The following STPG2 variants were observed in gnomAD, a reference collection of about 807,000 sequenced individuals.
The protein encoded by STPG2 is sperm tail PG-rich repeat containing 2.
In STPG2, 56 loss-of-function variants were observed where a neutral mutation model predicts 54.2. The ratio of observed to expected loss-of-function variants is 1.03; its 90% CI spans 0.83 to 1.29. The LOEUF is 1.29. STPG2 is among the 50% of genes most tolerant of loss of function. The pLI is 0.00. For synonymous variants in STPG2, 200 were observed against 181.8 expected, an observed-to-expected ratio of 1.10 and a Z score of -0.81; for missense variants, 596 against 544.9, an observed-to-expected ratio of 1.09 and a Z score of -0.93.
At chr4:97,744,657 C>T (rs908222450) in intron 9 of STPG2, among the ~76,000 whole-genome samples, 4 of 150,806 alleles carry the variant, frequency 2.7e-5, no homozygotes, top group Admixed American at 6.6e-5. Context: ...TACATAGCTG[C>T]GATAATGTTT....
rs1444617828 is a variant in STPG2 at position 97,503,945 on chromosome 4, A to T, written c.462+208754T>A. Among the ~76,000 whole-genome samples, 4 of 122,880 alleles carry T rather than the reference A, an allele frequency of 3.3e-5. No homozygotes were observed. In the East Asian group the frequency reaches 9.4e-4, roughly 29 times the overall value. The allele number at this position is 122,880 out of a possible 152,430, so 80.6% of individuals were successfully genotyped here. On this transcript the variant is annotated intron_variant, in intron 4 of 4. Transcript: ENST00000522676. ...ATATATTTAAATATTTTAAAAATAT[A>T]TTTTCATATTCATATAAATATATTT...
intron 5 of STPG2, among the ~76,000 whole-genome samples, chr4:97,984,068 G>A (rs1381215725): frequency 4.6e-5 from 2 of 43,918 alleles, no homozygotes; most frequent in Non-Finnish European, 1.2e-4. Flanking sequence ...TCAAACTTGT[G>A]ATATTCTAAG....
At chr4:97,744,835 G>C (rs1449928760) in intron 9 of STPG2, among the ~76,000 whole-genome samples, 1 of 151,398 alleles carries the variant, frequency 6.6e-6, no homozygotes, top group East Asian at 1.9e-4. Context: ...GAAACCCGCA[G>C]AAAGTGAAAG....
chr4:97,640,436 C>T (rs535481127), intron 10 of STPG2, among the ~76,000 whole-genome samples: 1 of 151,822 alleles, frequency 6.6e-6, no homozygotes, highest in South Asian at 2.1e-4. Context: ...AGTGAACATT[C>T]TCTACAATAA....
intron 9 of STPG2, among the ~76,000 whole-genome samples, chr4:97,724,841 G>C (rs1724566322): frequency 6.6e-6 from 1 of 151,964 alleles, no homozygotes; most frequent in African/African-American, 2.4e-5. Context: ...AAAGTTACTT[G>C]TATTCATAAC....
intron 9 of STPG2, among the ~76,000 whole-genome samples, chr4:97,811,319 T>G (rs1414419773): frequency 6.6e-6 from 1 of 152,134 alleles, no homozygotes; most frequent in Non-Finnish European, 1.5e-5. Flanking sequence ...TGGTTGGCTC[T>G]GTATCTATAT....
At chr4:97,943,721 T>C (rs1257249277) in intron 8 of STPG2, among the ~76,000 whole-genome samples, 176 bp downstream of exon 8, 1 of 152,196 alleles carries the variant, frequency 6.6e-6, no homozygotes, top group Non-Finnish European at 1.5e-5. Flanking sequence ...TTCTGGACTT[T>C]GGCATAGCTT....
chr4:97,726,378 A>G (rs1724625661), intron 9 of STPG2, among the ~76,000 whole-genome samples: 1 of 151,916 alleles, frequency 6.6e-6, no homozygotes, highest in Non-Finnish European at 1.5e-5. Context: ...GATGAAGCAC[A>G]CAATGTGAAT....
chr4:97,506,191 A>G (rs988984171), intron 4 of STPG2, among the ~76,000 whole-genome samples: 3 of 151,952 alleles, frequency 2.0e-5, no homozygotes, highest in African/African-American at 7.2e-5. Flanking sequence ...TTAGCTGCCT[A>G]CAATAGAACA....
At chr4:98,095,106 C>A (rs969091028) in intron 5 of STPG2, among the ~76,000 whole-genome samples, 1 of 152,066 alleles carries the variant, frequency 6.6e-6, no homozygotes, top group African/African-American at 2.4e-5. Flanking sequence ...ATTAGAATTA[C>A]AACAGTTTAA....
At chr4:98,076,645 T>C (rs1218613862) in intron 5 of STPG2, among the ~76,000 whole-genome samples, 5 of 152,170 alleles carry the variant, frequency 3.3e-5, no homozygotes, top group African/African-American at 1.2e-4. Flanking sequence ...TCAATCCTCA[T>C]GTTCCCTGCT....
intron 8 of STPG2, among the ~76,000 whole-genome samples, chr4:97,941,279 A>G (rs1560601238): frequency 6.6e-6 from 1 of 152,114 alleles, no homozygotes; most frequent in African/African-American, 2.4e-5. Flanking sequence ...AATGAAAAAA[A>G]AAGTGAAAAG....
intron 9 of STPG2, among the ~76,000 whole-genome samples, chr4:97,727,123 C>T (rs1724649082): frequency 6.6e-6 from 1 of 151,768 alleles, no homozygotes; most frequent in Non-Finnish European, 1.5e-5. Flanking sequence ...AAATTAGACA[C>T]ATAATTACTT....
intron 4 of STPG2, 81 bp from the exon 5 acceptor site, chr4:98,106,145 C>A: frequency 1.0e-6 from 1 of 972,530 alleles, no homozygotes. Flanking sequence ...ATTCTTTCTA[C>A]AGCAACATGT....
At chr4:97,560,961 T>C (rs1248497335) in intron 10 of STPG2, among the ~76,000 whole-genome samples, 3 of 152,228 alleles carry the variant, frequency 2.0e-5, no homozygotes, top group Admixed American at 6.5e-5. Context: ...TTTGGGTATA[T>C]ACCCAGTAAT....
intron 10 of STPG2, among the ~76,000 whole-genome samples, chr4:97,624,963 G>A (rs1322526566): frequency 1.3e-5 from 2 of 152,080 alleles, no homozygotes; most frequent in Non-Finnish European, 2.9e-5. Context: ...AATCCAACAG[G>A]ACTGGTGCCT....
intron 9 of STPG2, among the ~76,000 whole-genome samples, chr4:97,757,283 TC>T (rs1031499585): frequency 5.3e-5 from 8 of 152,046 alleles, no homozygotes; most frequent in African/African-American, 1.7e-4. Flanking sequence ...TCCCAGACCT[TC>T]CCCCCATATA....
intron 8 of STPG2, among the ~76,000 whole-genome samples, chr4:97,883,130 C>A (rs1483838686): frequency 6.6e-6 from 1 of 151,476 alleles, no homozygotes; most frequent in African/African-American, 2.4e-5. Flanking sequence ...CTAGCATGGG[C>A]AACATAGGGA....
chr4:97,460,423 TTC>T (rs1242545307), intron 4 of STPG2, among the ~76,000 whole-genome samples: 1 of 152,064 alleles, frequency 6.6e-6, no homozygotes, highest in African/African-American at 2.4e-5. Context: ...TGAATTATTT[TTC>T]TTTTTTTTTT....
Sources: gnomAD v4.1 joint callset for allele counts (sites outside exome capture counted in the v4.1 genomes callset) on GRCh38, gnomAD v4.1.1 for gene constraint, MANE v1.5 for transcripts, NCBI Gene and HGNC (gene_info 2026-07-23, HGNC 2026-07-21) for gene names.